CYP4X1: variants seen among roughly 807,000 people sequenced by gnomAD.
CYP4X1 encodes the protein cytochrome P450 family 4 subfamily X member 1.
CYP4X1 carries 44 observed loss-of-function variants against 57.9 expected under a neutral mutation model. The observed-to-expected ratio is 0.76, with a 90% CI of 0.60 to 0.98. The LOEUF is 0.98. Ranked by LOEUF, CYP4X1 falls within the 50% of genes least tolerant of loss-of-function variation. The pLI is 0.00. For missense variants in CYP4X1, 532 were observed against 623.9 expected (o/e 0.85, Z 1.57); for synonymous variants, 227 against 228.6 (o/e 0.99, Z 0.06).
At chr1:47,025,170 C>T (rs752142360) in intron 1 of CYP4X1, among the ~76,000 whole-genome samples, 6 of 152,136 alleles carry the variant, frequency 3.9e-5, no homozygotes, top group Non-Finnish European at 8.8e-5. Flanking sequence ...TTCTCACTCT[C>T]TTAGTCCCTC....
chr1:47,042,825 A>G (rs11584372), intron 8 of CYP4X1, among the ~76,000 whole-genome samples: 11,731 of 152,130 alleles, frequency 0.077, 553 homozygotes, highest in East Asian at 0.22. Context: ...TCCATAGTAT[A>G]TACATCCCAC....
the CYP4X1 span, among the ~76,000 whole-genome samples, chr1:46,964,676 C>T: frequency 6.6e-6 from 1 of 152,230 alleles, no homozygotes; most frequent in East Asian, 1.9e-4. Flanking sequence ...AGTTAGGCTA[C>T]TTGGGGGTCA....
upstream of CYP4X1, among the ~76,000 whole-genome samples, chr1:47,022,316 G>A (rs1013526649): frequency 2.2e-5 from 3 of 135,952 alleles, no homozygotes; most frequent in Non-Finnish European, 4.7e-5. Context: ...TTTTGAGACG[G>A]AGTCTCACTC....
At chr1:47,037,598 G>A (rs567109047) in intron 6 of CYP4X1, among the ~76,000 whole-genome samples, 1 of 152,178 alleles carries the variant, frequency 6.6e-6, no homozygotes, top group East Asian at 1.9e-4. Flanking sequence ...TTGTCAAGAT[G>A]TGTGCATTGT....
the CYP4X1 span, among the ~76,000 whole-genome samples, chr1:46,983,167 C>G: frequency 5.3e-5 from 8 of 152,244 alleles, no homozygotes; most frequent in East Asian, 1.5e-3. Context: ...CCTTCCCCAG[C>G]CTGGTGGCAG....
chr1:46,962,560 G>C, the CYP4X1 span, among the ~76,000 whole-genome samples: 1 of 152,190 alleles, frequency 6.6e-6, no homozygotes, highest in East Asian at 1.9e-4. Flanking sequence ...GTTGAAAAAA[G>C]ATTAGACGAA....
At position 47,049,514 on chromosome 1, in the gene CYP4X1, A is replaced by T. The variant is rs778994488; in HGVS notation, c.1355+10A>T. ...TCTCAGCTGGATCAAGGTGAGAACA[A>T]TTTGAAGTTGCTGAAAGTACCCAAA... is the stretch of plus-strand genomic sequence containing the variant. On this transcript the variant is annotated intron_variant, in intron 11 of 11. Transcript: ENST00000371901. The T allele has an allele frequency of 6.2e-7, 1 of 1,612,568 alleles. No individual in the cohort carries two copies. The highest frequency in any genetic ancestry group is 1.3e-5 in the African/African-American group (1 of 74,868).
chr1:46,965,816 G>A, the CYP4X1 span, among the ~76,000 whole-genome samples: 1 of 152,216 alleles, frequency 6.6e-6, no homozygotes, highest in Non-Finnish European at 1.5e-5. Flanking sequence ...GTCTGAGTTG[G>A]CCAAACCATG....
chr1:46,988,161 A>G, the CYP4X1 span, among the ~76,000 whole-genome samples: 1 of 152,192 alleles, frequency 6.6e-6, no homozygotes, highest in Admixed American at 6.5e-5. Context: ...AGAAGAAAAG[A>G]GAGAAGAATC....
chr1:47,021,912 C>T (rs967736786), upstream of CYP4X1, among the ~76,000 whole-genome samples: 13 of 152,088 alleles, frequency 8.5e-5, no homozygotes, highest in Admixed American at 6.5e-4. Flanking sequence ...ACCCAGGGAC[C>T]GGACCAGGCA....
chr1:47,014,780 A>C, the CYP4X1 span, among the ~76,000 whole-genome samples: 2 of 152,026 alleles, frequency 1.3e-5, no homozygotes, highest in Non-Finnish European at 2.9e-5. Flanking sequence ...TCTCCACCAA[A>C]CATTTTAAAA....
At chr1:46,999,543 A>G in the CYP4X1 span, among the ~76,000 whole-genome samples, 1 of 151,798 alleles carries the variant, frequency 6.6e-6, no homozygotes, top group Non-Finnish European at 1.5e-5. Flanking sequence ...GGTCCTTTGT[A>G]TGATTTTTTG....
At chr1:47,046,031 G>A (rs1426165753) in intron 8 of CYP4X1, among the ~76,000 whole-genome samples, 1 of 152,166 alleles carries the variant, frequency 6.6e-6, no homozygotes, top group Non-Finnish European at 1.5e-5. Context: ...TCCTCTTGAA[G>A]CCTCTTGTTT....
At chr1:46,979,056 A>G in the CYP4X1 span, among the ~76,000 whole-genome samples, 2 of 152,202 alleles carry the variant, frequency 1.3e-5, no homozygotes, top group East Asian at 1.9e-4. Flanking sequence ...TAACATCACA[A>G]TTAAAAGAAC....
chr1:47,012,808 G>A, the CYP4X1 span, among the ~76,000 whole-genome samples: 1 of 152,208 alleles, frequency 6.6e-6, no homozygotes, highest in Non-Finnish European at 1.5e-5. Context: ...TATTAGGTAA[G>A]CTCTTATAGT....
In CYP4X1 at chr1:47,038,657, CAG is replaced by C. The variant is rs1644211503; in HGVS notation, c.776-1_776del. The C allele has an allele frequency of 1.9e-6, 3 of 1,594,320 alleles. No individual in the cohort carries two copies. In the African/African-American group the frequency reaches 4.1e-5, roughly 22 times the overall value. On this transcript the variant is annotated splice_acceptor_variant, in intron 6 of 11. Transcript: ENST00000371901. LOFTEE classifies it high-confidence loss of function. ...GGTAATTGGAAACTATTTTTCTACC[CAG>C]ATACAATAATCCAGGAAAGAAAGAA... is the stretch of plus-strand genomic sequence containing the variant.
the CYP4X1 span, among the ~76,000 whole-genome samples, chr1:47,010,749 C>T: frequency 1.3e-5 from 2 of 152,188 alleles, no homozygotes; most frequent in African/African-American, 4.8e-5. Flanking sequence ...AAATCACAAG[C>T]ATTCTTATAC....
At chr1:47,000,847 C>G in the CYP4X1 span, 1 of 153,620 alleles carries the variant, frequency 6.5e-6, no homozygotes, top group Admixed American at 6.5e-5. Context: ...AGGATATAGG[C>G]AAACAAGCAG....
At chr1:47,047,637 T>C (rs1378524355) in intron 9 of CYP4X1, among the ~76,000 whole-genome samples, 1 of 152,210 alleles carries the variant, frequency 6.6e-6, no homozygotes, top group Non-Finnish European at 1.5e-5. Context: ...AGTCTTGCTA[T>C]GTAGCCCAGG....
Sources: gnomAD v4.1 joint callset for allele counts (sites outside exome capture counted in the v4.1 genomes callset) on GRCh38, gnomAD v4.1.1 for gene constraint, MANE v1.5 for transcripts, NCBI Gene and HGNC (gene_info 2026-07-23, HGNC 2026-07-21) for gene names.